The following LRRC7 variants were observed in gnomAD, a reference collection of about 807,000 sequenced individuals.
The protein encoded by LRRC7 is leucine-rich repeat-containing protein 7.
LRRC7 carries 23 observed loss-of-function variants against 175.7 expected under a neutral mutation model. The observed-to-expected ratio is 0.13, with a 90% CI of 0.09 to 0.19. The LOEUF (loss-of-function observed/expected upper bound fraction) is 0.19. Among genes scored for constraint, LRRC7 ranks in the 10% least tolerant of loss-of-function variants. LRRC7 has a pLI of 1.00. For missense variants in LRRC7, 1,354 were observed against 1,904.7 expected (o/e 0.71, Z 5.38); for synonymous variants, 685 against 680.9 (o/e 1.01, Z -0.09).
chr1:69,826,945 G>A (rs902515520), intron 5 of LRRC7, among the ~76,000 whole-genome samples: 3 of 152,038 alleles, frequency 2.0e-5, no homozygotes, highest in Non-Finnish European at 4.4e-5. Flanking sequence ...GAATGAGATC[G>A]AAGTTTAGAT....
chr1:69,945,637 G>A (rs1649227387), intron 8 of LRRC7, among the ~76,000 whole-genome samples: 1 of 151,966 alleles, frequency 6.6e-6, no homozygotes, highest in Non-Finnish European at 1.5e-5. Flanking sequence ...CATGAATATA[G>A]GATATCTTTC....
chr1:69,751,200 CTTTT>C (rs1669811775), intron 2 of LRRC7, among the ~76,000 whole-genome samples: 1 of 151,326 alleles, frequency 6.6e-6, no homozygotes, highest in Non-Finnish European at 1.5e-5. Flanking sequence ...ATTTAAATAA[CTTTT>C]TATTTGATGC....
intron 7 of LRRC7, among the ~76,000 whole-genome samples, chr1:69,902,660 C>T (rs565738642): frequency 2.2e-4 from 34 of 152,244 alleles, no homozygotes; most frequent in Admixed American, 7.2e-4. Flanking sequence ...AGATAATCAA[C>T]TTGTTTTGTC....
chr1:69,769,959 T>G (rs544086198), intron 3 of LRRC7, among the ~76,000 whole-genome samples: 20 of 152,216 alleles, frequency 1.3e-4, no homozygotes, highest in Non-Finnish European at 2.5e-4. Context: ...ATATCCAGGC[T>G]CATAGAACTA....
At chr1:70,014,627 T>C (rs1231557264) in intron 13 of LRRC7, among the ~76,000 whole-genome samples, 1 of 152,004 alleles carries the variant, frequency 6.6e-6, no homozygotes, top group East Asian at 1.9e-4. Flanking sequence ...AAGTTAAATA[T>C]TACCACCAGA....
chr1:69,798,471 C>G (rs1326489973), intron 4 of LRRC7, among the ~76,000 whole-genome samples: 1 of 152,062 alleles, frequency 6.6e-6, no homozygotes, highest in Non-Finnish European at 1.5e-5. Flanking sequence ...ATTGTCTATC[C>G]TAACACTTAA....
At chr1:69,977,640 G>C (rs758647480) in intron 8 of LRRC7, among the ~76,000 whole-genome samples, 1 of 152,112 alleles carries the variant, frequency 6.6e-6, no homozygotes, top group Non-Finnish European at 1.5e-5. Flanking sequence ...CATATAAATA[G>C]TTCTAGACAT....
intron 2 of LRRC7, among the ~76,000 whole-genome samples, chr1:69,687,520 C>CAAAAAAAAAAAAAAAAAAAAAAAAAA (rs551726376): frequency 5.4e-4 from 52 of 96,700 alleles, no homozygotes; most frequent in Non-Finnish European, 6.6e-4. Context: ...AAGAAAAAAC[C>CAAAAAAAAAAAAAAAAAAAAAAAAAA]AAAAAAAAAA....
At chr1:69,642,606 C>T (rs937088517) in intron 1 of LRRC7, among the ~76,000 whole-genome samples, 2 of 151,936 alleles carry the variant, frequency 1.3e-5, no homozygotes, top group Non-Finnish European at 2.9e-5. Context: ...TCAATAATGT[C>T]AAAGTTTTCT....
intron 10 of LRRC7, among the ~76,000 whole-genome samples, chr1:69,987,436 C>T (rs983857951): frequency 6.6e-6 from 1 of 152,098 alleles, no homozygotes; most frequent in African/African-American, 2.4e-5. Context: ...GTTATATGTT[C>T]TGGAACTTAA....
At chr1:69,729,423 G>A (rs1212413085) in intron 2 of LRRC7, among the ~76,000 whole-genome samples, 2 of 152,092 alleles carry the variant, frequency 1.3e-5, no homozygotes, top group Non-Finnish European at 2.9e-5. Flanking sequence ...AGATACAATG[G>A]GGGTACAGGT....
intron 7 of LRRC7, among the ~76,000 whole-genome samples, chr1:69,840,008 T>C (rs887322287): frequency 5.9e-5 from 9 of 151,974 alleles, no homozygotes; most frequent in African/African-American, 2.2e-4. Flanking sequence ...AATTTGGACA[T>C]AGAAAAATGT....
At chr1:69,658,512 A>G (rs1225249694) in intron 1 of LRRC7, among the ~76,000 whole-genome samples, 5 of 152,148 alleles carry the variant, frequency 3.3e-5, no homozygotes, top group African/African-American at 1.2e-4. Context: ...TAAGAATTGA[A>G]GGTAGATTTA....
chr1:69,750,728 C>T (rs1669770455), intron 2 of LRRC7, among the ~76,000 whole-genome samples: 1 of 152,176 alleles, frequency 6.6e-6, no homozygotes, highest in East Asian at 1.9e-4. Flanking sequence ...GGAATTGTTG[C>T]TGTGTCTTCA....
intron 8 of LRRC7, among the ~76,000 whole-genome samples, chr1:69,938,177 A>G (rs1648249177): frequency 1.3e-5 from 2 of 152,104 alleles, no homozygotes; most frequent in Non-Finnish European, 1.5e-5. Flanking sequence ...TAAAAGTTCA[A>G]AAATTCAGCA....
At chr1:69,620,772 G>C (rs975636266) in intron 1 of LRRC7, among the ~76,000 whole-genome samples, 1 of 152,182 alleles carries the variant, frequency 6.6e-6, no homozygotes, top group Non-Finnish European at 1.5e-5. Flanking sequence ...ATGTTTGCCT[G>C]TCTTGTAAAT....
intron 1 of LRRC7, among the ~76,000 whole-genome samples, chr1:69,616,092 T>C (rs1364687824): frequency 6.6e-6 from 1 of 152,100 alleles, no homozygotes; most frequent in Non-Finnish European, 1.5e-5. Context: ...GAATCCAATG[T>C]CATGTTAGCA....
intron 3 of LRRC7, among the ~76,000 whole-genome samples, chr1:69,770,653 G>A (rs534864710): frequency 1.3e-5 from 2 of 152,144 alleles, no homozygotes; most frequent in Non-Finnish European, 2.9e-5. Flanking sequence ...GCCTAAACTT[G>A]CAAATGTAGA....
At chr1:69,884,608 T>C (rs1291176228) in intron 7 of LRRC7, among the ~76,000 whole-genome samples, 8 of 138,204 alleles carry the variant, frequency 5.8e-5, no homozygotes, top group Non-Finnish European at 1.1e-4. Flanking sequence ...AGCCTTTATT[T>C]CCTTCTCCTG....
Sources: gnomAD v4.1 joint callset for allele counts (sites outside exome capture counted in the v4.1 genomes callset) on GRCh38, gnomAD v4.1.1 for gene constraint, MANE v1.5 for transcripts, NCBI Gene and HGNC (gene_info 2026-07-23, HGNC 2026-07-21) for gene names.